MAST3: variants seen among roughly 807,000 people sequenced by gnomAD.
MAST3 encodes the protein microtubule associated serine/threonine kinase 3.
In MAST3, 43 loss-of-function variants were observed where a neutral mutation model predicts 127.0. That is an observed-to-expected ratio of 0.34 (90% CI 0.27 to 0.44). The LOEUF (loss-of-function observed/expected upper bound fraction) is 0.44, where lower values mean the gene tolerates loss of function less well. MAST3 is among the 20% of genes least tolerant of loss of function. The pLI, the probability that MAST3 is intolerant of heterozygous loss-of-function variation, is 1.00. For missense variants in MAST3, 1,390 were observed against 1,919.1 expected (o/e 0.72, Z 5.15); for synonymous variants, 785 against 809.2 (o/e 0.97, Z 0.51).
chr19:18,139,730 G>A (rs984971256), intron 20 of MAST3, among the ~76,000 whole-genome samples: 9 of 152,140 alleles, frequency 5.9e-5, no homozygotes, highest in Non-Finnish European at 2.9e-5. Flanking sequence ...TAAAGCGCTG[G>A]GATTACAGGC....
chr19:18,136,674 G>A (rs1319401126), intron 18 of MAST3, among the ~76,000 whole-genome samples: 2 of 151,932 alleles, frequency 1.3e-5, no homozygotes, highest in Admixed American at 6.6e-5. Flanking sequence ...TGATCTGCCC[G>A]CCTCAGCCTC....
In MAST3 at chr19:18,149,433, G is replaced by A. The variant is rs1430806692; in HGVS notation, c.3751G>A (p.Ala1251Thr). Residue 1251 changes from alanine (A) to threonine (T), a missense_variant, in exon 28 of 28, where the codon GCC becomes ACC. This residue lies in a region of MAST3 where 816 missense variants were observed against 934.1 expected (regional missense o/e 0.87). Coordinates refer to ENST00000687212, the MANE Select transcript of MAST3 (RefSeq NM_001393504.1). This position sits in a 1 kb window ranked among gnomAD's most constrained non-coding sequence, Gnocchi z 5.9. ...SPLPGHPPAP[A>T]RSPRLRRGQS... ...CCTGCCCGGGCACCCGCCCGCACCTGCCCGATCCCCGCGGCTGCGCCGGGG... is the reference window on the plus strand; with the variant it reads ...CCTGCCCGGGCACCCGCCCGCACCTACCCGATCCCCGCGGCTGCGCCGGGG... 1.3e-6 allele frequency: 2 copies of A among 1,515,240 alleles called. No homozygotes were observed. The highest frequency in any genetic ancestry group is 2.8e-5 in the African/African-American group (2 of 70,954). 93.9% of individuals were successfully genotyped at this position (1,515,240 alleles called of 1,614,324 possible).
intron 8 of MAST3, 86 bp downstream of exon 8, chr19:18,123,741 T>C: frequency 8.3e-7 from 1 of 1,210,378 alleles, no homozygotes. Context: ...CCTGGCTATG[T>C]CCCCTTTGCC....
chr19:18,115,823 G>A (rs1462971552), intron 3 of MAST3, among the ~76,000 whole-genome samples: 1 of 152,166 alleles, frequency 6.6e-6, no homozygotes. Flanking sequence ...ACCCTCCATG[G>A]CTCCCCATTG....
intron 20 of MAST3, 127 bp downstream of exon 20, chr19:18,139,251 G>A (rs1009593042): frequency 4.4e-6 from 3 of 683,824 alleles, no homozygotes; most frequent in African/African-American, 3.5e-5. Context: ...ATGCTGCCCA[G>A]GCTGGTCTCC....
chr19:18,150,122 G>T lies in MAST3; in HGVS notation c.*396G>T. 1 of 207,372 alleles carries T rather than the reference G, an allele frequency of 4.8e-6. No homozygotes were observed. Among genetic ancestry groups the T allele is most frequent in the Non-Finnish European group, 9.6e-6 (1 of 104,660 alleles). 12.8% of individuals were successfully genotyped at this position (207,372 alleles called of 1,614,324 possible). ...CTGCCTCAGCTTCCCAAGTGGCTGG[G>T]ATTACAGGCGCCCACCACTATGCCC... is the stretch of plus-strand genomic sequence containing the variant. On this transcript the variant is annotated 3_prime_UTR_variant, in exon 28 of 28. Coordinates refer to ENST00000687212, the MANE Select transcript of MAST3 (RefSeq NM_001393504.1).
Position 18,146,900 on chromosome 19 carries a change from T to C in MAST3, c.3182T>C (p.Leu1061Pro). ...LLLKSGNKIS[L>P]RTTALENTSI... ...CCGCAGAGCGGCAACAAGATATCCCTGCGGACCACAGCCCTGGAGAACACC... is the reference window on the plus strand; with the variant it reads ...CCGCAGAGCGGCAACAAGATATCCCCGCGGACCACAGCCCTGGAGAACACC... The change falls in exon 26 of 28, where the codon CTG (leucine) becomes CCG (proline). Residue 1061 changes from leucine to proline, a missense_variant. Transcript: ENST00000687212. The C allele has an allele frequency of 6.4e-7, 1 of 1,556,262 alleles. No individual in the cohort carries two copies. The highest frequency in any genetic ancestry group is 1.4e-5 in the African/African-American group (1 of 73,328).
intron 1 of MAST3, among the ~76,000 whole-genome samples, 157 bp from the exon 2 acceptor site, chr19:18,107,430 G>A (rs1287629060): frequency 6.6e-5 from 10 of 152,102 alleles, no homozygotes; most frequent in Admixed American, 1.3e-4. Context: ...CACAGATAGC[G>A]CAAAGGCCTT....
In MAST3 at chr19:18,150,681, T is replaced by TATAG. The variant is rs1051183222; in HGVS notation, c.*955_*956insATAG. The TATAG allele has an allele frequency of 3.3e-5, 5 of 152,282 alleles. No individual in the cohort carries two copies. The highest frequency in any genetic ancestry group is 1.2e-4 in the African/African-American group (5 of 41,462). 9.4% of individuals were successfully genotyped at this position (152,282 alleles called of 1,614,324 possible). A position where few individuals can be genotyped will look rare whatever the true frequency, so the allele number is the denominator to read the frequency against. On this transcript the variant is annotated 3_prime_UTR_variant, in exon 28 of 28. Coordinates refer to ENST00000687212, the MANE Select transcript of MAST3 (RefSeq NM_001393504.1). ...GCTGCCATGCCCAGGCAGTGCCTGCTCTATATATAGAGTCTGCCTCCAATC... is the reference window on the plus strand; with the variant it reads ...GCTGCCATGCCCAGGCAGTGCCTGCTATAGCTATATATAGAGTCTGCCTCCAATC...
chr19:18,126,092 C>G (rs4808116), intron 11 of MAST3, among the ~76,000 whole-genome samples: 3 of 151,540 alleles, frequency 2.0e-5, no homozygotes, highest in Non-Finnish European at 4.4e-5. Context: ...TGTAGTAGTG[C>G]GCGCCTGTAG....
intron 27 of MAST3, among the ~76,000 whole-genome samples, chr19:18,148,395 A>G (rs2043249815): frequency 6.6e-6 from 1 of 151,808 alleles, no homozygotes; most frequent in East Asian, 1.9e-4. Flanking sequence ...CCAGGAGGTC[A>G]AGGCTGCAGT....
chr19:18,121,888 G>A lies in MAST3; in HGVS notation c.286G>A (p.Ala96Thr), dbSNP rs1370144286. 3 of 1,613,914 alleles carry A rather than the reference G, an allele frequency of 1.9e-6. No homozygotes were observed. Among genetic ancestry groups the A allele is most frequent in the Non-Finnish European group, 2.5e-6 (3 of 1,179,910 alleles). Residue 96 changes from alanine to threonine, a missense_variant, in exon 5 of 28, where the codon GCT becomes ACT. By Grantham distance (58) the Ala-to-Thr change is moderately conservative. This residue lies in a region of MAST3 where 45 missense variants were observed against 113.0 expected (regional missense o/e 0.40). Coordinates refer to ENST00000687212, the MANE Select transcript of MAST3 (RefSeq NM_001393504.1). ...CTTGGATAGTCCTCGGAATTTCTCG[G>A]CTGCCTCTGCCCTAAATTTCCCCTT... Reference protein sequence around the residue: ...SPLDSPRNFSAASALNFPFAR... With the variant: ...SPLDSPRNFSTASALNFPFAR...
At position 18,144,674 on chromosome 19, in the gene MAST3, G is replaced by A; in HGVS notation, c.2793G>A (p.Leu931=). Residue 931 remains leucine, a synonymous_variant, in exon 23 of 28, where the codon CTG becomes CTA. Coordinates refer to ENST00000687212, the MANE Select transcript of MAST3 (RefSeq NM_001393504.1). This position sits in a 1 kb window ranked among gnomAD's most constrained non-coding sequence, Gnocchi z 4.0. ...CCAAGTCAGCCTCTGTCTCTGCCCT[G>A]TCCCTCATCATCACGGCAGGTAATG... ...RVPKSASVSA[L]SLIITADDGS... 1.2e-6 allele frequency: 2 copies of A among 1,609,350 alleles called. No homozygotes were observed. Among genetic ancestry groups the A allele is most frequent in the Non-Finnish European group, 1.7e-6 (2 of 1,179,858 alleles).
At chr19:18,134,029 G>A (rs2041624636) in intron 15 of MAST3, among the ~76,000 whole-genome samples, 1 of 152,042 alleles carries the variant, frequency 6.6e-6, no homozygotes, top group South Asian at 2.1e-4. Flanking sequence ...ATACATTCCA[G>A]AGAATTCACT....
Position 18,149,309 on chromosome 19 carries a change from C to T in MAST3, c.3627C>T (p.Pro1209=), listed in dbSNP as rs2043349497. The change falls in exon 28 of 28, where the codon CCC becomes CCT. Residue 1209 remains proline, a synonymous_variant. Transcript: ENST00000687212. This position sits in a 1 kb window ranked among gnomAD's most constrained non-coding sequence, Gnocchi z 5.9. ...LHGLAAKLGP[P]RPKTGRRKST... Reference sequence around the variant, plus strand: ...GCCTGGCTGCCAAGCTTGGGCCACCCCGCCCCAAGACTGGCCGCCGCAAGT... The same window carrying T: ...GCCTGGCTGCCAAGCTTGGGCCACCTCGCCCCAAGACTGGCCGCCGCAAGT... 1.3e-6 allele frequency: 2 copies of T among 1,531,390 alleles called. No homozygotes were observed. The highest frequency in any genetic ancestry group is 1.4e-5 in the African/African-American group (1 of 70,718). The allele number at this position is 1,531,390 out of a possible 1,614,324, so 94.9% of individuals were successfully genotyped here. A position where few individuals can be genotyped will look rare whatever the true frequency, so the allele number is the denominator to read the frequency against.
Position 18,123,233 on chromosome 19 carries a change from G to C in MAST3, c.416G>C (p.Arg139Pro). Residue 139 changes from arginine (R) to proline (P), a missense_variant, in exon 7 of 28, where the codon CGG becomes CCG. Coordinates refer to ENST00000687212, the MANE Select transcript of MAST3 (RefSeq NM_001393504.1). ...SSTLSSSSSS[R>P]ERLHQLPFQP... ...CTCTACCAGTCAAGCTCATCCTCCC[G>C]GGAACGTCTCCACCAGCTTCCCTTC... is the stretch of plus-strand genomic sequence containing the variant. 1 of 1,613,686 alleles carries C rather than the reference G, an allele frequency of 6.2e-7. No homozygotes were observed. Among genetic ancestry groups the C allele is most frequent in the Non-Finnish European group, 8.5e-7 (1 of 1,179,844 alleles).
In MAST3 at chr19:18,135,850, T is replaced by A; in HGVS notation, c.1972+9T>A. On this transcript the variant is annotated intron_variant, in intron 18 of 27. Coordinates refer to ENST00000687212, the MANE Select transcript of MAST3 (RefSeq NM_001393504.1). ...GGACCGTCTGGGCACTGGTATGTAG[T>A]GTGGGGGAGAACCCAGGTGGGTGGC... 1 of 1,589,626 alleles carries A rather than the reference T, an allele frequency of 6.3e-7. No homozygotes were observed.
intron 21 of MAST3, among the ~76,000 whole-genome samples, chr19:18,143,560 AGT>A (rs200720578): frequency 0.01 from 1,525 of 152,230 alleles, 9 homozygotes; most frequent in South Asian, 0.016. Flanking sequence ...TGGGTGACAG[AGT>A]GAGACCCTGT....
At position 18,122,665 on chromosome 19, in the gene MAST3, C is replaced by T. The variant is rs1434872192; in HGVS notation, c.321-8C>T. The T allele has an allele frequency of 1.9e-6, 3 of 1,611,544 alleles. No homozygotes were observed. The highest frequency in any genetic ancestry group is 2.5e-6 in the Non-Finnish European group (3 of 1,178,876). On this transcript the variant is annotated splice_polypyrimidine_tract_variant and splice_region_variant and intron_variant, in intron 5 of 27. Transcript: ENST00000687212. ...CTTCCTTCCATCTGTTCTTGTTCCC[C>T]TCTCCAGGGCAGACGGCAGAAGATG...
Sources: gnomAD v4.1 joint callset for allele counts (sites outside exome capture counted in the v4.1 genomes callset) on GRCh38, gnomAD v4.1.1 for gene constraint, gnomAD v4.1.1 regional missense constraint, Gnocchi (gnomAD v3.1) non-coding constraint, MANE v1.5 for transcripts, NCBI Gene and HGNC (gene_info 2026-07-23, HGNC 2026-07-21) for gene names.